HOMER2: variants seen among roughly 807,000 people sequenced by gnomAD.
HOMER2 encodes homer scaffold protein 2, also known as homer protein homolog 2.
Under a neutral mutation model 47.0 loss-of-function variants are expected in HOMER2, and 27 were observed. The observed-to-expected ratio is 0.57, with a 90% CI of 0.42 to 0.79. The LOEUF (loss-of-function observed/expected upper bound fraction) is 0.79, where lower values mean the gene tolerates loss of function less well. Among genes scored for constraint, HOMER2 ranks in the 30% least tolerant of loss-of-function variants. HOMER2 has a pLI of 0.00. For synonymous variants in HOMER2, 161 were observed against 163.8 expected, an observed-to-expected ratio of 0.98 and a Z score of 0.13; for missense variants, 443 against 435.0, an observed-to-expected ratio of 1.02 and a Z score of -0.16.
chr15:82,971,144 C>T (rs1450675423), intron 1 of HOMER2, among the ~76,000 whole-genome samples: 2 of 152,158 alleles, frequency 1.3e-5, no homozygotes, highest in African/African-American at 4.8e-5. Flanking sequence ...GCTTGGTTAA[C>T]GTAACCCAAT....
At chr15:82,839,689 AACAG>A (rs1288129294) in exon 2 of HOMER2, 3 of 152,238 alleles carry the variant, frequency 2.0e-5, no homozygotes, top group Non-Finnish European at 4.4e-5. Context: ...AAACAAAAGA[AACAG>A]ACAGAAATAC....
intron 1 of HOMER2, among the ~76,000 whole-genome samples, chr15:82,940,665 C>G (rs1406947505): frequency 6.6e-6 from 1 of 152,086 alleles, no homozygotes; most frequent in Non-Finnish European, 1.5e-5. Context: ...TGGCGTGAAC[C>G]TGAGAGGTGG....
chr15:82,935,734 T>A (rs939895810), intron 1 of HOMER2, among the ~76,000 whole-genome samples: 4 of 152,114 alleles, frequency 2.6e-5, no homozygotes, highest in African/African-American at 9.7e-5. Flanking sequence ...CCATATCTCA[T>A]CCATCTGAAG....
At chr15:82,968,974 T>C (rs549728798) in intron 1 of HOMER2, among the ~76,000 whole-genome samples, 48 of 152,332 alleles carry the variant, frequency 3.2e-4, no homozygotes, top group Admixed American at 6.5e-4. Context: ...AACTGCTGCC[T>C]CTCTTCCACC....
At chr15:82,959,341 T>A (rs2054611634) in intron 1 of HOMER2, 1 of 152,170 alleles carries the variant, frequency 6.6e-6, no homozygotes, top group African/African-American at 2.4e-5. Context: ...AGATTCAGGG[T>A]GGTGGCCAAA....
In HOMER2 at chr15:82,849,618, A is replaced by G. The variant is rs1243996804; in HGVS notation, c.*97T>C. 7 of 1,077,078 alleles carry G rather than the reference A, an allele frequency of 6.5e-6. No homozygotes were observed. In the African/African-American group the frequency reaches 9.5e-5, roughly 15 times the overall value. 66.7% of individuals were successfully genotyped at this position (1,077,078 alleles called of 1,614,324 possible). On this transcript the variant is annotated 3_prime_UTR_variant, in exon 9 of 9. Transcript: ENST00000450735. ...TGGAAACACGACAAACTGCGCCTGCATTTACAGAAGCAATGCACACAGAAG... is the reference window on the plus strand; with the variant it reads ...TGGAAACACGACAAACTGCGCCTGCGTTTACAGAAGCAATGCACACAGAAG...
At chr15:82,909,127 G>A (rs1204427031) in intron 1 of HOMER2, among the ~76,000 whole-genome samples, 1 of 152,114 alleles carries the variant, frequency 6.6e-6, no homozygotes, top group Non-Finnish European at 1.5e-5. Context: ...AAAGAGTACT[G>A]GAACTCAAAG....
intron 1 of HOMER2, among the ~76,000 whole-genome samples, chr15:82,959,751 C>T (rs2054615250): frequency 6.6e-6 from 1 of 152,044 alleles, no homozygotes; most frequent in African/African-American, 2.4e-5. Flanking sequence ...TCTTGGTGTT[C>T]AAAGAGAAGT....
exon 2 of HOMER2, chr15:82,843,105 G>A (rs1403327933): frequency 6.6e-6 from 1 of 152,076 alleles, no homozygotes. Flanking sequence ...AAAAGTACAA[G>A]AATAAGATAG....
At chr15:82,982,690 T>C (rs1596392095) in intron 1 of HOMER2, among the ~76,000 whole-genome samples, 2 of 152,352 alleles carry the variant, frequency 1.3e-5, no homozygotes, top group South Asian at 2.1e-4. Flanking sequence ...TATTCTTTTC[T>C]GGGTAAGTCC....
In HOMER2 at chr15:82,922,974, C is replaced by A. The variant is rs536795491; in HGVS notation, c.5+29557G>T. Among the ~76,000 whole-genome samples the A allele has an allele frequency of 9.2e-5, 14 of 152,240 alleles. No individual in the cohort carries two copies. The South Asian group carries it at 2.9e-3, about 32-fold the overall frequency. ...TCCTACCACCCTTCAGGGCAAAGTG[C>A]AAATTGGTCACCTCTTCCATCAGAG... On this transcript the variant is annotated intron_variant, in intron 1 of 8. Transcript: ENST00000450735.
At chr15:82,901,384 G>A (rs962239383) in intron 1 of HOMER2, among the ~76,000 whole-genome samples, 1 of 152,098 alleles carries the variant, frequency 6.6e-6, no homozygotes, top group Admixed American at 6.6e-5. Context: ...TGAAGTGAAG[G>A]GGAAGTCTAG....
chr15:82,860,670 C>T (rs1294942478), intron 4 of HOMER2, among the ~76,000 whole-genome samples: 1 of 151,944 alleles, frequency 6.6e-6, no homozygotes, highest in Non-Finnish European at 1.5e-5. Context: ...GGTGTGGTGG[C>T]TCACACCTGT....
At chr15:82,860,855 T>C (rs933049074) in intron 4 of HOMER2, among the ~76,000 whole-genome samples, 1 of 151,580 alleles carries the variant, frequency 6.6e-6, no homozygotes, top group Non-Finnish European at 1.5e-5. Flanking sequence ...GAGGATCCCT[T>C]GAACCTGGGT....
chr15:82,893,667 C>T (rs2052802713), intron 1 of HOMER2, among the ~76,000 whole-genome samples: 1 of 151,164 alleles, frequency 6.6e-6, no homozygotes, highest in South Asian at 2.1e-4. Flanking sequence ...CACTGCTGCC[C>T]AGGCTGGAGC....
intron 1 of HOMER2, among the ~76,000 whole-genome samples, chr15:82,965,768 C>CCT (rs1567077849): frequency 6.9e-6 from 1 of 144,630 alleles, no homozygotes; most frequent in Non-Finnish European, 1.5e-5. Flanking sequence ...CCTCAAAGCC[C>CCT]TTTTTTTTTT....
intron 1 of HOMER2, among the ~76,000 whole-genome samples, chr15:82,922,348 T>C (rs2053750208): frequency 6.6e-6 from 1 of 152,206 alleles, no homozygotes; most frequent in African/African-American, 2.4e-5. Context: ...ATTAAGAGAA[T>C]GCACAACTCT....
At chr15:82,943,446 C>T (rs1291267992) in intron 1 of HOMER2, among the ~76,000 whole-genome samples, 2 of 152,198 alleles carry the variant, frequency 1.3e-5, no homozygotes, top group Non-Finnish European at 2.9e-5. Flanking sequence ...CTTGATGCCA[C>T]CTCCACTGGG....
intron 3 of HOMER2, among the ~76,000 whole-genome samples, chr15:82,865,057 T>G (rs925408206): frequency 6.6e-6 from 1 of 152,222 alleles, no homozygotes; most frequent in Non-Finnish European, 1.5e-5. Context: ...ATCTTCACAA[T>G]GCCGACAACA....
Sources: gnomAD v4.1 joint callset for allele counts (sites outside exome capture counted in the v4.1 genomes callset) on GRCh38, gnomAD v4.1.1 for gene constraint, MANE v1.5 for transcripts, NCBI Gene and HGNC (gene_info 2026-07-23, HGNC 2026-07-21) for gene names.